ACTN2: variants seen among roughly 807,000 people sequenced by gnomAD.
ACTN2 encodes alpha-actinin-2.
Under a neutral mutation model 113.8 loss-of-function variants are expected in ACTN2, and 39 were observed. The ratio of observed to expected loss-of-function variants is 0.34; its 90% confidence interval spans 0.27 to 0.45. The LOEUF is 0.45. ACTN2 is among the 20% of genes least tolerant of loss of function. The probability of loss-of-function intolerance (pLI) is 1.00; values close to 1 mark genes in which losing one functional copy is unlikely to be tolerated. For synonymous variants in ACTN2, 429 were observed against 444.1 expected (o/e 0.97, Z 0.43); for missense variants, 992 against 1,177.9 (o/e 0.84, Z 2.31).
At chr1:236,743,747 C>T (rs1470947886) in intron 11 of ACTN2, among the ~76,000 whole-genome samples, 1 of 152,102 alleles carries the variant, frequency 6.6e-6, no homozygotes, top group Non-Finnish European at 1.5e-5. Context: ...CAGGTAGTTA[C>T]AAGCAAGGAA....
At chr1:236,733,334 A>G (rs1257853848) in intron 7 of ACTN2, among the ~76,000 whole-genome samples, 1 of 152,208 alleles carries the variant, frequency 6.6e-6, no homozygotes, top group East Asian at 1.9e-4. Flanking sequence ...AATTATTGGC[A>G]GGATCATCAT....
chr1:236,741,511 C>G (rs1659066232), intron 10 of ACTN2, among the ~76,000 whole-genome samples: 1 of 152,200 alleles, frequency 6.6e-6, no homozygotes, highest in Admixed American at 6.5e-5. Context: ...CTAGTAAATT[C>G]TATCACTGTC....
intron 10 of ACTN2, among the ~76,000 whole-genome samples, chr1:236,742,433 G>T (rs1031027179): frequency 6.6e-6 from 1 of 152,152 alleles, no homozygotes; most frequent in Non-Finnish European, 1.5e-5. Flanking sequence ...AGCCAGGTGT[G>T]GTGGCACATG....
intron 20 of ACTN2, among the ~76,000 whole-genome samples, 190 bp from the exon 21 acceptor site, chr1:236,762,271 G>A (rs936842723): frequency 8.5e-5 from 13 of 152,088 alleles, no homozygotes; most frequent in Admixed American, 1.3e-4. Flanking sequence ...TGGCCAGGCC[G>A]CTTCTAGATA....
At chr1:236,757,778 C>A in intron 18 of ACTN2, 146 bp downstream of exon 18, 4 of 1,136,256 alleles carry the variant, frequency 3.5e-6, no homozygotes, top group Non-Finnish European at 5.1e-6. Context: ...AAATAGCCAC[C>A]AAAACTAAGT....
chr1:236,760,659 G>A (rs1265326009), intron 19 of ACTN2, among the ~76,000 whole-genome samples: 2 of 152,154 alleles, frequency 1.3e-5, no homozygotes, highest in Non-Finnish European at 2.9e-5. Context: ...CCTTCAGTTT[G>A]GCAGCATCGC....
chr1:236,743,255 C>T (rs1659128016), intron 11 of ACTN2, among the ~76,000 whole-genome samples: 1 of 152,106 alleles, frequency 6.6e-6, no homozygotes, highest in South Asian at 2.1e-4. Context: ...TATTTCTTCC[C>T]AAAATGGCAC....
At chr1:236,705,468 G>A (rs1426455251) in intron 1 of ACTN2, among the ~76,000 whole-genome samples, 1 of 152,224 alleles carries the variant, frequency 6.6e-6, no homozygotes, top group African/African-American at 2.4e-5. Context: ...AGACACATTT[G>A]TGGAGCAGGA....
intron 12 of ACTN2, among the ~76,000 whole-genome samples, chr1:236,746,491 T>G (rs1377552605): frequency 1.3e-5 from 2 of 151,962 alleles, no homozygotes. Context: ...TAGGACTGCT[T>G]GAGACCAGGA....
At chr1:236,737,914 G>A (rs1298078651) in intron 9 of ACTN2, among the ~76,000 whole-genome samples, 1 of 152,230 alleles carries the variant, frequency 6.6e-6, no homozygotes, top group Non-Finnish European at 1.5e-5. Context: ...GGCTGCATGA[G>A]GCCCCCAGCC....
Position 236,751,606 on chromosome 1 carries a change from C to T in ACTN2, c.1793C>T (p.Pro598Leu), listed in dbSNP as rs767907022. The change falls in exon 15 of 21, where the codon CCG becomes CTG. Residue 598 changes from proline (P) to leucine (L), a missense_variant. Coordinates refer to ENST00000366578, the MANE Select transcript of ACTN2 (RefSeq NM_001103.4). ...SYNIRISSSN[P>L]YSTVTMDELR... ...AACATCAGAATCAGCTCAAGCAACC[C>T]GTACAGCACTGTCACCATGGATGAG... 18 of 1,613,886 alleles carry T rather than the reference C, an allele frequency of 1.1e-5. No homozygotes were observed. The highest frequency in any genetic ancestry group is 3.3e-4 in the Middle Eastern group (2 of 6,076).
intron 1 of ACTN2, among the ~76,000 whole-genome samples, chr1:236,717,353 G>T (rs1414803261): frequency 6.6e-6 from 1 of 152,070 alleles, no homozygotes; most frequent in Non-Finnish European, 1.5e-5. Context: ...AGGAGGATCA[G>T]TTGAGCCTGG....
chr1:236,711,806 A>C (rs1658035235), intron 1 of ACTN2, among the ~76,000 whole-genome samples: 1 of 152,166 alleles, frequency 6.6e-6, no homozygotes. Context: ...AACAGAGAAT[A>C]AGCTGTTATT....
intron 4 of ACTN2, among the ~76,000 whole-genome samples, chr1:236,724,692 TG>T (rs1658497444): frequency 6.6e-6 from 1 of 152,336 alleles, no homozygotes; most frequent in Admixed American, 6.5e-5. Context: ...CTCTGGGGAA[TG>T]TGGCCTCAGT....
At position 236,686,657 on chromosome 1, in the gene ACTN2, C is replaced by T. The variant is rs753623943; in HGVS notation, c.-17C>T. 3 of 1,551,036 alleles carry T rather than the reference C, an allele frequency of 1.9e-6. No homozygotes were observed. In the South Asian group the frequency reaches 3.5e-5, roughly 18 times the overall value. ...GAGCCCCTCGCGCCCCGCCGCAGCC[C>T]CGGCCAACCGAGCGCCATGAACCAG... On this transcript the variant is annotated 5_prime_UTR_variant, in exon 1 of 21. Coordinates refer to ENST00000366578, the MANE Select transcript of ACTN2 (RefSeq NM_001103.4).
chr1:236,750,868 C>T (rs1346758715), intron 14 of ACTN2, among the ~76,000 whole-genome samples: 1 of 151,938 alleles, frequency 6.6e-6, no homozygotes, highest in Admixed American at 6.6e-5. Context: ...CGGGGAGGAT[C>T]ACTTGAGGCC....
At chr1:236,707,709 C>CTTTTTTTTTTTTTTTTTT (rs5781919) in intron 1 of ACTN2, among the ~76,000 whole-genome samples, 16 of 78,752 alleles carry the variant, frequency 2.0e-4, no homozygotes, top group South Asian at 5.4e-4. Context: ...TCTTTTTTTT[C>CTTTTTTTTTTTTTTTTTT]TTTTTTTTTT....
intron 14 of ACTN2, 93 bp downstream of exon 14, chr1:236,749,357 C>T: frequency 6.5e-7 from 1 of 1,533,370 alleles, no homozygotes; most frequent in South Asian, 1.2e-5. Context: ...TGTTTTCTTG[C>T]TTTAAAAAAA....
chr1:236,690,368 G>A (rs1327887375), intron 1 of ACTN2, among the ~76,000 whole-genome samples: 4 of 152,142 alleles, frequency 2.6e-5, no homozygotes, highest in Non-Finnish European at 4.4e-5. Context: ...TTTTTCCTAG[G>A]AGAAAAGGCA....
Sources: allele counts gnomAD v4.1 joint callset (sites outside exome capture counted in the v4.1 genomes callset), GRCh38; gene constraint gnomAD v4.1.1; transcripts MANE v1.5; gene names NCBI Gene and HGNC (gene_info 2026-07-23, HGNC 2026-07-21).